Variants in BROX observed in about 807,000 individuals in gnomAD.
BROX encodes the protein BRO1 domain and CAAX motif containing.
BROX carries 53 observed loss-of-function variants against 61.0 expected under a neutral mutation model. That is an observed-to-expected ratio of 0.87 (90% CI 0.70 to 1.09). The LOEUF is 1.09. BROX is among the 50% of genes least tolerant of loss of function. The pLI, the probability that BROX is intolerant of heterozygous loss-of-function variation, is 0.00. For synonymous variants in BROX, 152 were observed against 160.2 expected, an observed-to-expected ratio of 0.95 and a Z score of 0.38; for missense variants, 489 against 472.0, an observed-to-expected ratio of 1.04 and a Z score of -0.33.
At chr1:222,720,201 T>C (rs1444469672) in intron 4 of BROX, among the ~76,000 whole-genome samples, 3 of 152,158 alleles carry the variant, frequency 2.0e-5, no homozygotes, top group Non-Finnish European at 4.4e-5. Context: ...AGAAGCAAAA[T>C]AAGAAAATTT....
In BROX at chr1:222,734,449, A is replaced by C. The variant is rs1157336177; in HGVS notation, c.*1735A>C. 6 of 139,940 alleles carry C rather than the reference A, an allele frequency of 4.3e-5. No individual in the cohort carries two copies. The highest frequency in any genetic ancestry group is 1.5e-4 in the African/African-American group (6 of 40,650). The allele number at this position is 139,940 out of a possible 1,614,324, so 8.7% of individuals were successfully genotyped here. ...TAAGTGATTACTTAAATCATATATC[A>C]TAGTTTACACTCCTTAAAAAAAGGT... is the stretch of plus-strand genomic sequence containing the variant. On this transcript the variant is annotated 3_prime_UTR_variant, in exon 13 of 13. Coordinates refer to ENST00000340934, the MANE Select transcript of BROX (RefSeq NM_144695.4).
intron 7 of BROX, among the ~76,000 whole-genome samples, chr1:222,726,173 A>G (rs1051472939): frequency 6.6e-6 from 1 of 152,178 alleles, no homozygotes; most frequent in Non-Finnish European, 1.5e-5. Context: ...GGCTTACCTT[A>G]ATGTCTTCAC....
intron 1 of BROX, among the ~76,000 whole-genome samples, chr1:222,714,867 A>G (rs1233674624): frequency 6.6e-6 from 1 of 152,198 alleles, no homozygotes. Context: ...GGCATGAGCC[A>G]CCATGCCCAG....
chr1:222,732,252 TGTGCACA>T (rs1657993259), intron 12 of BROX, among the ~76,000 whole-genome samples: 1 of 152,174 alleles, frequency 6.6e-6, no homozygotes, highest in Non-Finnish European at 1.5e-5. Flanking sequence ...TTAGGGTACA[TGTGCACA>T]ATGTGCAGGT....
chr1:222,729,968 AG>A lies in BROX; in HGVS notation c.839-56del, dbSNP rs377686136. On this transcript the variant is annotated intron_variant, in intron 10 of 12. Transcript: ENST00000340934. ...TATCACCTCCAGTTTAAAGCCTTGT[AG>A]GGATAAATAGGCAGTGTTAATTATA... 1,285 of 1,504,984 alleles carry A rather than the reference AG, an allele frequency of 8.5e-4. 6 individuals carry two copies. In the African/African-American group the frequency reaches 0.016, roughly 19 times the overall value. The allele number at this position is 1,504,984 out of a possible 1,614,324, so 93.2% of individuals were successfully genotyped here. A position where few individuals can be genotyped will look rare whatever the true frequency, so the allele number is the denominator to read the frequency against.
intron 1 of BROX, among the ~76,000 whole-genome samples, chr1:222,714,866 C>T (rs886955162): frequency 3.9e-5 from 6 of 152,262 alleles, no homozygotes; most frequent in African/African-American, 1.4e-4. Flanking sequence ...AGGCATGAGC[C>T]ACCATGCCCA....
In BROX at chr1:222,734,317, C is replaced by T. The variant is rs1472695689; in HGVS notation, c.*1603C>T. The T allele has an allele frequency of 1.3e-5, 2 of 152,092 alleles. No individual in the cohort carries two copies. Among genetic ancestry groups the T allele is most frequent in the African/African-American group, 4.8e-5 (2 of 41,392 alleles). 9.4% of individuals were successfully genotyped at this position (152,092 alleles called of 1,614,324 possible). ...ATAAGCCATTGAATCCACACAGCAG[C>T]CCTGTAAGAAATAAGTAAAATCTGC... On this transcript the variant is annotated 3_prime_UTR_variant, in exon 13 of 13. Transcript: ENST00000340934.
chr1:222,731,414 TCTC>T lies in BROX; in HGVS notation c.1048_1050del (p.Leu350del). The T allele has an allele frequency of 6.3e-7, 1 of 1,583,508 alleles. No homozygotes were observed. On this transcript the variant is annotated inframe_deletion, in exon 12 of 13. Transcript: ENST00000340934. The stretch of plus-strand genomic sequence containing the variant: ...AGCTGGAACTCAAAGCAAATTATGG[TCTC>T]GTAGAGCCTATACCTTTCGAATTTC...
In BROX at chr1:222,733,070, T is replaced by TTTTTTC. The variant is rs1658064955; in HGVS notation, c.*362_*367dup. 1 of 146,888 alleles carries TTTTTTC rather than the reference T, an allele frequency of 6.8e-6. No individual in the cohort carries two copies. The highest frequency in any genetic ancestry group is 7.0e-5 in the Admixed American group (1 of 14,240). 9.1% of individuals were successfully genotyped at this position (146,888 alleles called of 1,614,324 possible). On this transcript the variant is annotated 3_prime_UTR_variant, in exon 13 of 13. Transcript: ENST00000340934. ...TTTTTCTTTTTTCTTTTTCTTTTTTTTTTTTCTTTTTTTTTTTTTTTTTTT... is the reference window on the plus strand; with the variant it reads ...TTTTTCTTTTTTCTTTTTCTTTTTTTTTTTTCTTTTTCTTTTTTTTTTTTTTTTTTT...
rs749708967 is a variant in BROX at position 222,732,906 on chromosome 1, C to G, written c.*192C>G. On this transcript the variant is annotated 3_prime_UTR_variant, in exon 13 of 13. Coordinates refer to ENST00000340934, the MANE Select transcript of BROX (RefSeq NM_144695.4). ...GTTTCTTGCTTTGTTTTCAGACTCTCCTTTTTAATCAGGACAACATTTGAA... is the reference window on the plus strand; with the variant it reads ...GTTTCTTGCTTTGTTTTCAGACTCTGCTTTTTAATCAGGACAACATTTGAA... 9 of 550,214 alleles carry G rather than the reference C, an allele frequency of 1.6e-5. No individual in the cohort carries two copies. In the Admixed American group the frequency reaches 2.8e-4, roughly 17 times the overall value. 34.1% of individuals were successfully genotyped at this position (550,214 alleles called of 1,614,324 possible).
chr1:222,732,513 A>G, intron 12 of BROX, 115 bp from the exon 13 acceptor site: 1 of 658,112 alleles, frequency 1.5e-6, no homozygotes, highest in East Asian at 2.9e-5. Flanking sequence ...CTTTGTCAGT[A>G]TCCATGTTAT....
chr1:222,713,399 C>T, intron 1 of BROX: 12 of 985,388 alleles, frequency 1.2e-5, no homozygotes, highest in Non-Finnish European at 1.3e-5. Context: ...GCGCTCAGAG[C>T]TCGGGGGCGG....
At chr1:222,729,479 G>T in intron 9 of BROX, 141 bp from the exon 10 acceptor site, 1 of 522,584 alleles carries the variant, frequency 1.9e-6, no homozygotes, top group Non-Finnish European at 3.4e-6. Context: ...ATGAACAAAG[G>T]TTGGGGAAGA....
At chr1:222,713,919 C>G (rs968461230) in intron 1 of BROX, 2 of 152,172 alleles carry the variant, frequency 1.3e-5, no homozygotes, top group Admixed American at 6.5e-5. Context: ...ACTGTATTCT[C>G]TATTCATTAA....
In BROX at chr1:222,712,583, T is replaced by A; in HGVS notation, c.-376T>A. The stretch of plus-strand genomic sequence containing the variant: ...CGCCCCACTGCGCCGAGGGCCGCCA[T>A]CGCTATTGCGGCATTCTCCCTCGGC... On this transcript the variant is annotated 5_prime_UTR_variant, in exon 1 of 13. Coordinates refer to ENST00000340934, the MANE Select transcript of BROX (RefSeq NM_144695.4). 7.3e-7 allele frequency: 1 copy of A among 1,365,956 alleles called. No homozygotes were observed. The highest frequency in any genetic ancestry group is 9.5e-7 in the Non-Finnish European group (1 of 1,050,852). The allele number at this position is 1,365,956 out of a possible 1,614,324, so 84.6% of individuals were successfully genotyped here.
chr1:222,728,971 C>T, intron 9 of BROX, 143 bp downstream of exon 9: 1 of 531,366 alleles, frequency 1.9e-6, no homozygotes, highest in Non-Finnish European at 3.3e-6. Flanking sequence ...CACTGAGAGT[C>T]AGTGCAACCA....
chr1:222,713,277 C>T (rs1344958557), intron 1 of BROX: 6 of 985,902 alleles, frequency 6.1e-6, no homozygotes, highest in Admixed American at 6.2e-5. Context: ...CACAAAAATG[C>T]CTGTTTGGAA....
At position 222,727,289 on chromosome 1, in the gene BROX, G is replaced by A. The variant is rs369688284; in HGVS notation, c.670+32G>A. The stretch of plus-strand genomic sequence containing the variant: ...TTCTAATTCTGTCGTTACATTTTTA[G>A]TCTTTAGATTTTCAGATTTATTTGA... On this transcript the variant is annotated intron_variant, in intron 8 of 12. Transcript: ENST00000340934. 1.5e-5 allele frequency: 23 copies of A among 1,484,026 alleles called. No individual in the cohort carries two copies. In the African/African-American group the frequency reaches 2.9e-4, roughly 19 times the overall value. The allele number at this position is 1,484,026 out of a possible 1,614,324, so 91.9% of individuals were successfully genotyped here.
At chr1:222,716,056 C>G (rs908076257) in intron 2 of BROX, among the ~76,000 whole-genome samples, 7 of 152,102 alleles carry the variant, frequency 4.6e-5, no homozygotes, top group Non-Finnish European at 8.8e-5. Context: ...GTACAAGGGA[C>G]TCTACAAAGT....
Sources: gnomAD v4.1 joint callset for allele counts (sites outside exome capture counted in the v4.1 genomes callset) on GRCh38, gnomAD v4.1.1 for gene constraint, MANE v1.5 for transcripts, NCBI Gene and HGNC (gene_info 2026-07-23, HGNC 2026-07-21) for gene names.